Variants in ZNF385D observed in about 807,000 individuals in gnomAD.
ZNF385D encodes the protein zinc finger protein 385D, also known as zinc finger protein 659.
A neutral mutation model predicts 35.8 loss-of-function variants in ZNF385D; 15 were observed. That is an observed-to-expected ratio of 0.42 (90% confidence interval 0.28 to 0.64). The LOEUF (loss-of-function observed/expected upper bound fraction) is 0.64, where lower values mean the gene tolerates loss of function less well. ZNF385D is among the 30% of genes least tolerant of loss of function. The pLI, the probability that ZNF385D is intolerant of heterozygous loss-of-function variation, is 0.23. For synonymous variants in ZNF385D, 212 were observed against 186.8 expected, an observed-to-expected ratio of 1.13 and a Z score of -1.10; for missense variants, 474 against 494.6, an observed-to-expected ratio of 0.96 and a Z score of 0.39.
intron 2 of ZNF385D, among the ~76,000 whole-genome samples, chr3:22,359,499 G>C (rs1696316294): frequency 6.6e-6 from 1 of 151,820 alleles, no homozygotes; most frequent in Non-Finnish European, 1.5e-5. Flanking sequence ...GAAAATAAAT[G>C]TAACAATACT....
rs12492512 is a variant in ZNF385D, at chr3:21,815,983, A to G, written c.326-150955T>C. On this transcript the variant is annotated intron_variant, in intron 3 of 5. Coordinates refer to the ZNF385D transcript ENST00000494108. ...TAGCACATTAAAAAGCTTAACTGCC[A>G]TGATCAAGTGGGCTTCATCCCAGGG... 3.2e-3 allele frequency among the ~76,000 whole-genome samples: 485 copies of G among 152,338 alleles called. 2 individuals carry two copies. The highest frequency in any genetic ancestry group is 5.4e-3 in the Non-Finnish European group (364 of 68,024).
intron 2 of ZNF385D, among the ~76,000 whole-genome samples, chr3:22,363,287 C>G (rs1156865467): frequency 2.0e-5 from 3 of 152,104 alleles, no homozygotes; most frequent in African/African-American, 7.2e-5. Flanking sequence ...AGTCTATGAG[C>G]ACTCAGAATT....
chr3:21,494,849 T>C (rs555053283), intron 4 of ZNF385D, among the ~76,000 whole-genome samples: 9 of 152,266 alleles, frequency 5.9e-5, no homozygotes, highest in African/African-American at 2.2e-4. Context: ...CATCAAAGGA[T>C]TTATTTTATA....
intron 3 of ZNF385D, among the ~76,000 whole-genome samples, chr3:21,514,902 C>A (rs1157489180): frequency 1.3e-5 from 2 of 151,966 alleles, no homozygotes; most frequent in Non-Finnish European, 2.9e-5. Flanking sequence ...CTATGCCAAT[C>A]TTGAAATAGC....
intron 3 of ZNF385D, among the ~76,000 whole-genome samples, chr3:21,999,869 G>A (rs1262336239): frequency 6.6e-6 from 1 of 151,984 alleles, no homozygotes; most frequent in Non-Finnish European, 1.5e-5. Flanking sequence ...TCTAATTCTG[G>A]GCATCACAGA....
At chr3:22,104,097 T>C (rs572446271) in intron 3 of ZNF385D, among the ~76,000 whole-genome samples, 11 of 152,236 alleles carry the variant, frequency 7.2e-5, no homozygotes, top group African/African-American at 2.6e-4. Flanking sequence ...ATCTTTTCCT[T>C]TGAAAGGTGT....
intron 3 of ZNF385D, among the ~76,000 whole-genome samples, chr3:22,112,831 C>G (rs1702604929): frequency 6.7e-6 from 1 of 149,152 alleles, no homozygotes; most frequent in Admixed American, 6.7e-5. Flanking sequence ...AACTGTCACC[C>G]TTCCTATGGG....
chr3:22,309,985 A>G (rs1307425447), intron 2 of ZNF385D, among the ~76,000 whole-genome samples: 1 of 151,988 alleles, frequency 6.6e-6, no homozygotes, highest in East Asian at 1.9e-4. Context: ...GAACTGCTCA[A>G]TGGACCAAAC....
intron 2 of ZNF385D, among the ~76,000 whole-genome samples, chr3:22,316,806 T>C (rs1387941040): frequency 4.6e-5 from 7 of 152,204 alleles, no homozygotes; most frequent in African/African-American, 1.4e-4. Context: ...CAAGGGAATA[T>C]TGGGGTTCAG....
chr3:21,682,415 A>C (rs2066945819), intron 1 of ZNF385D, among the ~76,000 whole-genome samples: 1 of 150,186 alleles, frequency 6.7e-6, no homozygotes, highest in Non-Finnish European at 1.5e-5. Flanking sequence ...AGGGTGACTT[A>C]ATTGCCTTCA....
chr3:22,287,751 C>G (rs1156866697), intron 2 of ZNF385D, among the ~76,000 whole-genome samples: 2 of 151,882 alleles, frequency 1.3e-5, no homozygotes, highest in Non-Finnish European at 2.9e-5. Flanking sequence ...ATAGTTTTTC[C>G]TTTTAGCCTT....
chr3:21,654,478 G>T (rs2066014575), intron 2 of ZNF385D, among the ~76,000 whole-genome samples: 1 of 151,964 alleles, frequency 6.6e-6, no homozygotes, highest in African/African-American at 2.4e-5. Flanking sequence ...ATGTTCTTGT[G>T]ACTCTCAACC....
intron 3 of ZNF385D, among the ~76,000 whole-genome samples, chr3:21,517,599 T>G (rs2125490664): frequency 6.6e-6 from 1 of 152,294 alleles, no homozygotes; most frequent in African/African-American, 2.4e-5. Context: ...GGCCCTTGAG[T>G]CACTGTGAAA....
chr3:21,689,913 G>T (rs1476604276), intron 1 of ZNF385D, among the ~76,000 whole-genome samples: 1 of 149,484 alleles, frequency 6.7e-6, no homozygotes, highest in African/African-American at 2.5e-5. Flanking sequence ...GTAGCAAATA[G>T]TTGCCAATGA....
intron 2 of ZNF385D, among the ~76,000 whole-genome samples, chr3:22,214,309 G>A (rs894663247): frequency 6.6e-6 from 1 of 151,976 alleles, no homozygotes; most frequent in African/African-American, 2.4e-5. Flanking sequence ...TGTAAGCTGA[G>A]GAGGATGTAT....
At chr3:22,098,594 G>C (rs904322065) in intron 3 of ZNF385D, among the ~76,000 whole-genome samples, 1 of 151,964 alleles carries the variant, frequency 6.6e-6, no homozygotes, top group African/African-American at 2.4e-5. Flanking sequence ...ATTTTTATTT[G>C]AATAGTCCAC....
At chr3:21,660,206 C>A (rs1475814617) in intron 2 of ZNF385D, among the ~76,000 whole-genome samples, 1 of 152,104 alleles carries the variant, frequency 6.6e-6, no homozygotes, top group Non-Finnish European at 1.5e-5. Flanking sequence ...AGGAGCAGCA[C>A]AGAGTAAAAT....
At chr3:21,628,135 A>C (rs182581025) in intron 2 of ZNF385D, among the ~76,000 whole-genome samples, 11 of 152,252 alleles carry the variant, frequency 7.2e-5, no homozygotes, top group Admixed American at 7.2e-4. Context: ...GATTGTTAAA[A>C]GTTTCAAAAG....
chr3:21,978,479 A>C (rs1703779004), intron 3 of ZNF385D, among the ~76,000 whole-genome samples: 1 of 152,232 alleles, frequency 6.6e-6, no homozygotes, highest in Non-Finnish European at 1.5e-5. Context: ...TGGCAAAAGT[A>C]GATTAGGATG....
Sources: gnomAD v4.1 joint callset for allele counts (sites outside exome capture counted in the v4.1 genomes callset) on GRCh38, gnomAD v4.1.1 for gene constraint, MANE v1.5 for transcripts, NCBI Gene and HGNC (gene_info 2026-07-23, HGNC 2026-07-21) for gene names.